SEMA6B: variants seen among roughly 807,000 people sequenced by gnomAD.
SEMA6B encodes the protein semaphorin 6B.
SEMA6B carries 47 observed loss-of-function variants against 78.6 expected under a neutral mutation model. The ratio of observed to expected loss-of-function variants is 0.60; its 90% CI spans 0.47 to 0.76. The LOEUF is 0.76. SEMA6B is among the 30% of genes least tolerant of loss of function. The probability of loss-of-function intolerance (pLI) is 0.00; values close to 1 mark genes in which losing one functional copy is unlikely to be tolerated. For synonymous variants in SEMA6B, 632 were observed against 592.2 expected (o/e 1.07, Z -0.98); for missense variants, 1,213 against 1,269.9 (o/e 0.96, Z 0.68).
chr19:4,556,724 T>C (rs1383902593), intron 5 of SEMA6B, among the ~76,000 whole-genome samples: 2 of 150,712 alleles, frequency 1.3e-5, no homozygotes, highest in Non-Finnish European at 3.0e-5. Context: ...TAATTGTGGC[T>C]AGGCTGGAGG....
intron 3 of SEMA6B, 53 bp downstream of exon 3, chr19:4,557,973 C>T: frequency 7.7e-7 from 1 of 1,295,238 alleles, no homozygotes; most frequent in Non-Finnish European, 1.0e-6. Flanking sequence ...TCTCTCTCTC[C>T]CCCTCGCTCA....
Position 4,550,150 on chromosome 19 carries a change from G to C in SEMA6B, c.1244C>G (p.Ala415Gly). The C allele has an allele frequency of 3.1e-6, 5 of 1,613,748 alleles. No homozygotes were observed. The highest frequency in any genetic ancestry group is 4.2e-6 in the Non-Finnish European group (5 of 1,179,994). ...MDEAVPSLGH[A>G]PWILRTLMRH... ...CATCAGGGTCCGCAGGATCCAGGGC[G>C]CATGGCCCAGCGAGGGCACCGCCTC... The change falls in exon 12 of 17, where the codon GCG becomes GGG. Residue 415 changes from alanine (A) to glycine (G), a missense_variant. Transcript: ENST00000586582. This position sits in a 1 kb window ranked among gnomAD's most constrained non-coding sequence, Gnocchi z 6.6.
rs1397133946 is a variant in SEMA6B at position 4,552,207 on chromosome 19, C to A, written c.989+215G>T. 6.6e-6 allele frequency among the ~76,000 whole-genome samples: 1 copy of A among 152,188 alleles called. No homozygotes were observed. The highest frequency in any genetic ancestry group is 1.5e-5 in the Non-Finnish European group (1 of 68,030). On this transcript the variant is annotated intron_variant, in intron 10 of 16. Coordinates refer to ENST00000586582, the MANE Select transcript of SEMA6B (RefSeq NM_032108.4). This position sits in a 1 kb window ranked among gnomAD's most constrained non-coding sequence, Gnocchi z 7.4. Reference sequence around the variant, plus strand: ...CCCTCCCTGCTCCTCTCCCCAAAGGCAGAGGATGAGGATATCTTTGGCCCA... The same window carrying A: ...CCCTCCCTGCTCCTCTCCCCAAAGGAAGAGGATGAGGATATCTTTGGCCCA...
Position 4,558,956 on chromosome 19 carries a change from G to A in SEMA6B, c.-32-467C>T, listed in dbSNP as rs983784825. On this transcript the variant is annotated intron_variant, in intron 1 of 16. Coordinates refer to ENST00000586582, the MANE Select transcript of SEMA6B (RefSeq NM_032108.4). The surrounding 1 kb of genome is among the most constrained non-coding windows in gnomAD (Gnocchi z 5.1). ...CGCCTGTAATCCCAACATTTTGGGAGGCCGAGATGGGAGGATCATCTGAGG... is the reference window on the plus strand; with the variant it reads ...CGCCTGTAATCCCAACATTTTGGGAAGCCGAGATGGGAGGATCATCTGAGG... 6.6e-6 allele frequency among the ~76,000 whole-genome samples: 1 copy of A among 151,912 alleles called. No individual in the cohort carries two copies. Among genetic ancestry groups the A allele is most frequent in the Non-Finnish European group, 1.5e-5 (1 of 67,964 alleles).
In SEMA6B at chr19:4,544,093, C is replaced by T. The variant is rs1028197240; in HGVS notation, c.2175G>A (p.Pro725=). Residue 725 remains proline, a synonymous_variant, in exon 17 of 17, where the codon CCG becomes CCA. Coordinates refer to ENST00000586582, the MANE Select transcript of SEMA6B (RefSeq NM_032108.4). The surrounding 1 kb of genome is among the most constrained non-coding windows in gnomAD (Gnocchi z 5.1). The part of the protein sequence containing the change: ...LPQKRLPTPH[P]HPHALGPRAW... ...CGCGGGGGCCCAGGGCGTGGGGGTG[C>T]GGGTGCGGAGTGGGCAGGCGCTTCT... 10 of 1,257,560 alleles carry T rather than the reference C, an allele frequency of 8.0e-6. No homozygotes were observed. The highest frequency in any genetic ancestry group is 2.8e-5 in the South Asian group (1 of 35,902). 77.9% of individuals were successfully genotyped at this position (1,257,560 alleles called of 1,614,324 possible). A position where few individuals can be genotyped will look rare whatever the true frequency, so the allele number is the denominator to read the frequency against.
rs2145342131 is a variant in SEMA6B at position 4,544,026 on chromosome 19, A to G, written c.2242T>C (p.Ser748Pro). The G allele has an allele frequency of 2.5e-6, 3 of 1,213,892 alleles. No homozygotes were observed. The highest frequency in any genetic ancestry group is 3.1e-6 in the Non-Finnish European group (3 of 977,718). The allele number at this position is 1,213,892 out of a possible 1,614,324, so 75.2% of individuals were successfully genotyped here. A position where few individuals can be genotyped will look rare whatever the true frequency, so the allele number is the denominator to read the frequency against. Residue 748 changes from serine to proline, a missense_variant, in exon 17 of 17, where the codon TCC becomes CCC. Physicochemically the swap from Ser to Pro is moderately conservative, Grantham distance 74. Transcript: ENST00000586582. This position sits in a 1 kb window ranked among gnomAD's most constrained non-coding sequence, Gnocchi z 5.1. ...GHPLLPASAS[S>P]SLLLLAPARA... ...GCGGGCGCCAGCAGCAGGAGGGAGG[A>G]TGAAGCGGAGGCCGGGAGCAGGGGG...
Position 4,542,773 on chromosome 19 carries a change from C to A in SEMA6B, c.*828G>T. ...CCCTGGGGCCGTATTTACAGAGGGG[C>A]CCCACCCACCTTCGCCGCCCCCCAG... On this transcript the variant is annotated 3_prime_UTR_variant, in exon 17 of 17. Coordinates refer to ENST00000586582, the MANE Select transcript of SEMA6B (RefSeq NM_032108.4). The A allele has an allele frequency of 1.4e-6, 1 of 700,622 alleles. No individual in the cohort carries two copies. The highest frequency in any genetic ancestry group is 2.6e-6 in the Non-Finnish European group (1 of 384,616). The allele number at this position is 700,622 out of a possible 1,614,324, so 43.4% of individuals were successfully genotyped here. A position where few individuals can be genotyped will look rare whatever the true frequency, so the allele number is the denominator to read the frequency against.
intron 9 of SEMA6B, among the ~76,000 whole-genome samples, chr19:4,553,728 ATGGGTGGGTGGGTGGGTGGGTGTGTTGG>A (rs1977396936): frequency 1.2e-5 from 1 of 84,240 alleles, no homozygotes. Flanking sequence ...GGATGGATGG[ATGGGTGGGTGGGTGGGTGGGTGTGTTGG>A]TGGATGGGTA....
At position 4,552,792 on chromosome 19, in the gene SEMA6B, G is replaced by A. The variant is rs1000567055; in HGVS notation, c.772-153C>T. ...CAGTCACCGTTCCTCTCTGGGCACCGGCTTCCCTGGCAGAAATTCCCGGTG... is the reference window on the plus strand; with the variant it reads ...CAGTCACCGTTCCTCTCTGGGCACCAGCTTCCCTGGCAGAAATTCCCGGTG... On this transcript the variant is annotated intron_variant, in intron 9 of 16. Coordinates refer to ENST00000586582, the MANE Select transcript of SEMA6B (RefSeq NM_032108.4). This position sits in a 1 kb window ranked among gnomAD's most constrained non-coding sequence, Gnocchi z 7.4. Among the ~76,000 whole-genome samples, 4 of 152,178 alleles carry A rather than the reference G, an allele frequency of 2.6e-5. No individual in the cohort carries two copies. The highest frequency in any genetic ancestry group is 5.9e-5 in the Non-Finnish European group (4 of 68,028).
chr19:4,548,074 C>T lies in SEMA6B; in HGVS notation c.1554G>A (p.Val518=). 1 of 1,590,176 alleles carries T rather than the reference C, an allele frequency of 6.3e-7. No individual in the cohort carries two copies. Residue 518 remains valine (V), a synonymous_variant, in exon 14 of 17, where the codon GTG becomes GTA. Transcript: ENST00000586582. ...GGCAGCGAGCCACAGGCACTCGGAC[C>T]ACGCAGCGGGGGAAGGCAGCCAGCA... ...GGLLAAFPRC[V]VRVPVARCQQ...
At chr19:4,546,580 TTTAA>T (rs10678031) in intron 14 of SEMA6B, 111 bp from the exon 15 acceptor site, 2 of 443,972 alleles carry the variant, frequency 4.5e-6, no homozygotes, top group Non-Finnish European at 7.8e-6. Flanking sequence ...TTATTTTTAT[TTTAA>T]TTAATTAATT....
rs767469957 is a variant in SEMA6B at position 4,554,430 on chromosome 19, G to A, written c.729C>T (p.Phe243=). Residue 243 remains phenylalanine, a synonymous_variant, in exon 9 of 17, where the codon TTC becomes TTT. Coordinates refer to ENST00000586582, the MANE Select transcript of SEMA6B (RefSeq NM_032108.4). ...ACTCCATCGCAATCTCCCGGAAGAAGAAGTAGACATGGCTGCCCCACTCCA... is the reference window on the plus strand; with the variant it reads ...ACTCCATCGCAATCTCCCGGAAGAAAAAGTAGACATGGCTGCCCCACTCCA... ...HAVEWGSHVY[F]FFREIAMEFN... 11 of 1,613,916 alleles carry A rather than the reference G, an allele frequency of 6.8e-6. No homozygotes were observed. The highest frequency in any genetic ancestry group is 2.2e-5 in the South Asian group (2 of 91,092).
Position 4,550,689 on chromosome 19 carries a change from G to T in SEMA6B, c.1121+110C>A. On this transcript the variant is annotated intron_variant, in intron 11 of 16. Coordinates refer to ENST00000586582, the MANE Select transcript of SEMA6B (RefSeq NM_032108.4). The surrounding 1 kb of genome is among the most constrained non-coding windows in gnomAD (Gnocchi z 6.6). ...TCAGTTTTTCCCAACTGTATAACGGGTACAGCTGAACTCAGCATCAGCTAA... is the reference window on the plus strand; with the variant it reads ...TCAGTTTTTCCCAACTGTATAACGGTTACAGCTGAACTCAGCATCAGCTAA... 7.4e-7 allele frequency: 1 copy of T among 1,346,590 alleles called. No individual in the cohort carries two copies. Among genetic ancestry groups the T allele is most frequent in the Non-Finnish European group, 1.0e-6 (1 of 969,334 alleles). 83.4% of individuals were successfully genotyped at this position (1,346,590 alleles called of 1,614,324 possible).
Position 4,555,431 on chromosome 19 carries a change from C to A in SEMA6B, c.562+43G>T. 6.5e-7 allele frequency: 1 copy of A among 1,540,260 alleles called. No individual in the cohort carries two copies. Among genetic ancestry groups the A allele is most frequent in the Middle Eastern group, 1.7e-4 (1 of 5,860 alleles). On this transcript the variant is annotated intron_variant, in intron 7 of 16. Transcript: ENST00000586582. The surrounding 1 kb of genome is among the most constrained non-coding windows in gnomAD (Gnocchi z 6.1). Reference sequence around the variant, plus strand: ...TGGAGTAGAAAATGCCAGGTCTTGCCTGTGGCTGGGGCTGATCAGATGGAG... The same window carrying A: ...TGGAGTAGAAAATGCCAGGTCTTGCATGTGGCTGGGGCTGATCAGATGGAG...
At position 4,544,246 on chromosome 19, in the gene SEMA6B, C is replaced by T; in HGVS notation, c.2022G>A (p.Gly674=). The T allele has an allele frequency of 1.6e-6, 2 of 1,278,786 alleles. No homozygotes were observed. Among genetic ancestry groups the T allele is most frequent in the Non-Finnish European group, 2.0e-6 (2 of 1,016,538 alleles). 79.2% of individuals were successfully genotyped at this position (1,278,786 alleles called of 1,614,324 possible). ...GRGGGGGGGA[G]VPPEALLAPL... is the part of the protein sequence containing the mutation. ...GCGCCAGCAGGGCCTCCGGGGGAACCCCGGCGCCACCGCCACCGCCTCCGC... is the reference window on the plus strand; with the variant it reads ...GCGCCAGCAGGGCCTCCGGGGGAACTCCGGCGCCACCGCCACCGCCTCCGC... The change falls in exon 17 of 17, where the codon GGG becomes GGA. Residue 674 remains glycine, a synonymous_variant. Transcript: ENST00000586582. The surrounding 1 kb of genome is among the most constrained non-coding windows in gnomAD (Gnocchi z 5.1).
In SEMA6B at chr19:4,557,312, G is replaced by A. The variant is rs960387792; in HGVS notation, c.246-89C>T. ...CCACTGCCAATGTGGTGTGCACACG[G>A]GGGCATGCAGGGCCATGCCAATGCC... is the stretch of plus-strand genomic sequence containing the variant. On this transcript the variant is annotated intron_variant, in intron 3 of 16. Coordinates refer to ENST00000586582, the MANE Select transcript of SEMA6B (RefSeq NM_032108.4). 4.7e-6 allele frequency: 4 copies of A among 852,972 alleles called. No individual in the cohort carries two copies. In the Admixed American group the frequency reaches 1.1e-4, roughly 23 times the overall value. 52.8% of individuals were successfully genotyped at this position (852,972 alleles called of 1,614,324 possible). A position where few individuals can be genotyped will look rare whatever the true frequency, so the allele number is the denominator to read the frequency against.
chr19:4,556,212 G>A, intron 5 of SEMA6B, 123 bp from the exon 6 acceptor site: 1 of 697,102 alleles, frequency 1.4e-6, no homozygotes, highest in Non-Finnish European at 2.6e-6. Context: ...CAAGGCAGGG[G>A]CTGAACCTAG....
chr19:4,547,960 A>G (rs1977212157), intron 14 of SEMA6B, 67 bp downstream of exon 14: 2 of 1,467,880 alleles, frequency 1.4e-6, no homozygotes, highest in Admixed American at 4.6e-5. Flanking sequence ...ACTGGAACCC[A>G]GCTGTCCCTC....
Position 4,555,242 on chromosome 19 carries a change from C to T in SEMA6B, c.563-147G>A. On this transcript the variant is annotated intron_variant, in intron 7 of 16. Coordinates refer to ENST00000586582, the MANE Select transcript of SEMA6B (RefSeq NM_032108.4). The surrounding 1 kb of genome is among the most constrained non-coding windows in gnomAD (Gnocchi z 6.1). The stretch of plus-strand genomic sequence containing the variant: ...CTGAGCCCTGATCCCATCCAAGCCC[C>T]ACCTCCATCCAAGCCCTGACCTTAA... The T allele has an allele frequency of 1.1e-6, 1 of 918,534 alleles. No individual in the cohort carries two copies. The highest frequency in any genetic ancestry group is 1.7e-5 in the South Asian group (1 of 59,154). The allele number at this position is 918,534 out of a possible 1,614,324, so 56.9% of individuals were successfully genotyped here. A position where few individuals can be genotyped will look rare whatever the true frequency, so the allele number is the denominator to read the frequency against.
Sources: allele counts gnomAD v4.1 joint callset (sites outside exome capture counted in the v4.1 genomes callset), GRCh38; gene constraint gnomAD v4.1.1; non-coding constraint Gnocchi (gnomAD v3.1); transcripts MANE v1.5; gene names NCBI Gene and HGNC (gene_info 2026-07-23, HGNC 2026-07-21).